The following OSBPL10 variants were observed in gnomAD, a reference collection of about 807,000 sequenced individuals.
OSBPL10 encodes the protein oxysterol-binding protein-related protein 10.
Under a neutral mutation model 81.7 loss-of-function variants are expected in OSBPL10, and 49 were observed. That is an observed-to-expected ratio of 0.60 (90% CI 0.48 to 0.76). The LOEUF is 0.76. Among genes scored for constraint, OSBPL10 ranks in the 30% least tolerant of loss-of-function variants. The pLI is 0.00. For synonymous variants in OSBPL10, 419 were observed against 383.6 expected (o/e 1.09, Z -1.08); for missense variants, 923 against 987.8 (o/e 0.93, Z 0.88).
chr3:31,827,497 G>A (rs1316664652), intron 4 of OSBPL10, among the ~76,000 whole-genome samples: 2 of 152,046 alleles, frequency 1.3e-5, no homozygotes, highest in Non-Finnish European at 2.9e-5. Context: ...TTAGCCAGGC[G>A]TGGTGGTGGA....
At chr3:31,711,495 G>A (rs567116797) in intron 6 of OSBPL10, among the ~76,000 whole-genome samples, 33 of 152,272 alleles carry the variant, frequency 2.2e-4, no homozygotes, top group African/African-American at 7.9e-4. Flanking sequence ...CACAAAGGGT[G>A]GTTTATAACA....
At chr3:31,837,693 TATG>T (rs1700395565) in intron 3 of OSBPL10, among the ~76,000 whole-genome samples, 1 of 149,758 alleles carries the variant, frequency 6.7e-6, no homozygotes, top group Non-Finnish European at 1.5e-5. Context: ...TTGCCAGATA[TATG>T]ATGAATTTAG....
At chr3:31,765,658 T>C (rs999920256) in intron 4 of OSBPL10, among the ~76,000 whole-genome samples, 1 of 152,076 alleles carries the variant, frequency 6.6e-6, no homozygotes, top group Non-Finnish European at 1.5e-5. Flanking sequence ...ATACACCCAA[T>C]CTAAGTGACA....
Position 31,944,371 on chromosome 3 carries a change from C to T in OSBPL10, c.281+36528G>A, listed in dbSNP as rs6787093. 7.1e-3 allele frequency among the ~76,000 whole-genome samples: 1,084 copies of T among 152,032 alleles called. 9 individuals are homozygous for T. The highest frequency in any genetic ancestry group is 0.025 in the African/African-American group (1,044 of 41,478). ...AAGAACAGCTTCCAAACTGGTAAAC[C>T]ATGTGTTAGCAATTATCTTTTCTAT... On this transcript the variant is annotated intron_variant, in intron 1 of 11. Coordinates refer to ENST00000396556, the MANE Select transcript of OSBPL10 (RefSeq NM_017784.5).
chr3:31,849,562 C>A (rs956755178), intron 3 of OSBPL10, among the ~76,000 whole-genome samples: 13 of 152,064 alleles, frequency 8.5e-5, no homozygotes, highest in African/African-American at 3.1e-4. Flanking sequence ...CATAACAAGG[C>A]CTTTCCTAGG....
chr3:31,999,266 A>G (rs1699120732), intron 2 of OSBPL10, among the ~76,000 whole-genome samples: 1 of 152,102 alleles, frequency 6.6e-6, no homozygotes, highest in Non-Finnish European at 1.5e-5. Context: ...CCCCTATGTC[A>G]GTGATGATAA....
At chr3:32,048,867 G>C (rs142079305) in intron 1 of OSBPL10, among the ~76,000 whole-genome samples, 5 of 152,196 alleles carry the variant, frequency 3.3e-5, no homozygotes, top group Admixed American at 3.3e-4. Context: ...AAAGAAGCTG[G>C]CATCCCAAAA....
At chr3:32,001,949 A>G (rs1699153249) in intron 2 of OSBPL10, among the ~76,000 whole-genome samples, 1 of 152,234 alleles carries the variant, frequency 6.6e-6, no homozygotes, top group Admixed American at 6.5e-5. Context: ...ATAAAATATC[A>G]TCTTCATTTT....
chr3:31,879,642 GAGA>G lies in OSBPL10; in HGVS notation c.457+10_457+12del. 6.2e-7 allele frequency: 1 copy of G among 1,600,686 alleles called. No homozygotes were observed. Among genetic ancestry groups the G allele is most frequent in the East Asian group, 2.2e-5 (1 of 44,710 alleles). The stretch of plus-strand genomic sequence containing the variant: ...AGAGGCCTGTCTGAAAAGTTACTGG[GAGA>G]AGAACGCACCTCTCAGTTTAAACAT... On this transcript the variant is annotated intron_variant, in intron 2 of 11. Coordinates refer to ENST00000396556, the MANE Select transcript of OSBPL10 (RefSeq NM_017784.5).
At chr3:32,000,823 T>A (rs1699137959) in intron 2 of OSBPL10, among the ~76,000 whole-genome samples, 1 of 152,198 alleles carries the variant, frequency 6.6e-6, no homozygotes, top group Non-Finnish European at 1.5e-5. Flanking sequence ...GCCATGCGGT[T>A]CACATGGGAA....
chr3:31,916,395 G>C (rs978348439), intron 1 of OSBPL10, among the ~76,000 whole-genome samples: 1 of 151,942 alleles, frequency 6.6e-6, no homozygotes, highest in Non-Finnish European at 1.5e-5. Flanking sequence ...CAAGTGTAGA[G>C]TGAGTGGCCA....
intron 2 of OSBPL10, among the ~76,000 whole-genome samples, chr3:32,044,664 C>G (rs1018162074): frequency 6.7e-6 from 1 of 149,370 alleles, no homozygotes; most frequent in Non-Finnish European, 1.5e-5. Context: ...TGGCTTGAAC[C>G]CGGGAGGCAG....
intron 6 of OSBPL10, among the ~76,000 whole-genome samples, chr3:31,709,652 C>T (rs17028051): frequency 0.041 from 6,215 of 152,214 alleles, 439 homozygotes; most frequent in African/African-American, 0.14. Flanking sequence ...GAAGAAGCAG[C>T]GGCAAATGAA....
chr3:31,813,688 C>T (rs992263283), intron 4 of OSBPL10, among the ~76,000 whole-genome samples: 4 of 152,108 alleles, frequency 2.6e-5, no homozygotes, highest in African/African-American at 7.2e-5. Flanking sequence ...TTTGTGTGTG[C>T]CTTGTTAAGA....
intron 1 of OSBPL10, among the ~76,000 whole-genome samples, chr3:32,054,168 A>T (rs184711954): frequency 6.6e-6 from 1 of 152,170 alleles, no homozygotes. Context: ...GTAACCTGGG[A>T]TTCTATTTTA....
chr3:31,681,690 C>T (rs2125542487), intron 8 of OSBPL10, among the ~76,000 whole-genome samples: 2 of 152,300 alleles, frequency 1.3e-5, no homozygotes, highest in Middle Eastern at 3.4e-3. Context: ...ATTCAGTCTA[C>T]TTCTCTGGCC....
intron 7 of OSBPL10, among the ~76,000 whole-genome samples, chr3:31,685,644 A>G (rs1217846525): frequency 6.6e-6 from 1 of 152,156 alleles, no homozygotes; most frequent in African/African-American, 2.4e-5. Flanking sequence ...GACCAATACC[A>G]TGGGGCTGGT....
chr3:31,913,324 C>T (rs1171754867), intron 1 of OSBPL10, among the ~76,000 whole-genome samples: 1 of 151,918 alleles, frequency 6.6e-6, no homozygotes, highest in East Asian at 1.9e-4. Flanking sequence ...TCTCAGCTCA[C>T]TACAACCTCC....
chr3:31,939,920 C>T (rs1697488487), intron 1 of OSBPL10, among the ~76,000 whole-genome samples: 1 of 152,082 alleles, frequency 6.6e-6, no homozygotes, highest in Non-Finnish European at 1.5e-5. Context: ...GAGGTCTCAC[C>T]ATGTTGTTCA....
Sources: gnomAD v4.1 joint callset for allele counts (sites outside exome capture counted in the v4.1 genomes callset) on GRCh38, gnomAD v4.1.1 for gene constraint, MANE v1.5 for transcripts, NCBI Gene and HGNC (gene_info 2026-07-23, HGNC 2026-07-21) for gene names.